Variants in ELAVL3 observed in about 807,000 individuals in gnomAD.
ELAVL3 encodes the protein ELAV like RNA binding protein 3.
Under a neutral mutation model 34.2 loss-of-function variants are expected in ELAVL3, and 8 were observed. That is an observed-to-expected ratio of 0.23 (90% CI 0.14 to 0.42). The LOEUF is 0.42. Ranked by LOEUF, ELAVL3 falls within the 10% of genes least tolerant of loss-of-function variation. ELAVL3 has a pLI of 1.00. For synonymous variants in ELAVL3, 209 were observed against 222.1 expected, an observed-to-expected ratio of 0.94 and a Z score of 0.53; for missense variants, 273 against 518.8, an observed-to-expected ratio of 0.53 and a Z score of 4.60.
intron 6 of ELAVL3, 129 bp downstream of exon 6, chr19:11,456,981 C>T: frequency 1.2e-6 from 1 of 826,920 alleles, no homozygotes; most frequent in Non-Finnish European, 1.7e-6. Context: ...TCACATCTCT[C>T]AATGGCCATG....
intron 6 of ELAVL3, 119 bp downstream of exon 6, chr19:11,456,991 G>T: frequency 1.1e-6 from 1 of 899,014 alleles, no homozygotes; most frequent in Non-Finnish European, 1.6e-6. Context: ...CAATGGCCAT[G>T]CTACTCCAAG....
Position 11,466,896 on chromosome 19 carries a change from T to C in ELAVL3, c.10-69A>G. 7.3e-7 allele frequency: 1 copy of C among 1,364,898 alleles called. No individual in the cohort carries two copies. Among genetic ancestry groups the C allele is most frequent in the Non-Finnish European group, 1.0e-6 (1 of 988,838 alleles). The allele number at this position is 1,364,898 out of a possible 1,614,324, so 84.5% of individuals were successfully genotyped here. A position where few individuals can be genotyped will look rare whatever the true frequency, so the allele number is the denominator to read the frequency against. On this transcript the variant is annotated intron_variant, in intron 1 of 6. Coordinates refer to ENST00000359227, the MANE Select transcript of ELAVL3 (RefSeq NM_001420.4). This position sits in a 1 kb window ranked among gnomAD's most constrained non-coding sequence, Gnocchi z 5.0. ...CCAGGGGCCTGCGGCAATGAGTGGC[T>C]TGGTGGTGATGAATTAGCCATGTCT...
At position 11,458,333 on chromosome 19, in the gene ELAVL3, G is replaced by T. The variant is rs1301194302; in HGVS notation, c.488-47C>A. The T allele has an allele frequency of 4.4e-6, 7 of 1,608,084 alleles. No homozygotes were observed. The highest frequency in any genetic ancestry group is 5.9e-6 in the Non-Finnish European group (7 of 1,176,628). ...CATCACGACGACCCTGTCCCCTCCTGTGTAACCCCACTTCTCCCTTCCCTG... is the reference window on the plus strand; with the variant it reads ...CATCACGACGACCCTGTCCCCTCCTTTGTAACCCCACTTCTCCCTTCCCTG... On this transcript the variant is annotated intron_variant, in intron 4 of 6. Coordinates refer to ENST00000359227, the MANE Select transcript of ELAVL3 (RefSeq NM_001420.4). This position sits in a 1 kb window ranked among gnomAD's most constrained non-coding sequence, Gnocchi z 7.3.
chr19:11,454,479 C>T lies in ELAVL3; in HGVS notation c.*47G>A. On this transcript the variant is annotated 3_prime_UTR_variant, in exon 7 of 7. Coordinates refer to ENST00000359227, the MANE Select transcript of ELAVL3 (RefSeq NM_001420.4). This position sits in a 1 kb window ranked among gnomAD's most constrained non-coding sequence, Gnocchi z 9.2. ...TCTCTCTCTCTCTCTTTCTCTCTCT[C>T]TCTCTCTGCTGCCCGGGGAGGGGGT... is the stretch of plus-strand genomic sequence containing the variant. 3 of 1,474,104 alleles carry T rather than the reference C, an allele frequency of 2.0e-6. No individual in the cohort carries two copies. The highest frequency in any genetic ancestry group is 2.7e-6 in the Non-Finnish European group (3 of 1,102,510). The allele number at this position is 1,474,104 out of a possible 1,614,324, so 91.3% of individuals were successfully genotyped here. A position where few individuals can be genotyped will look rare whatever the true frequency, so the allele number is the denominator to read the frequency against.
intron 3 of ELAVL3, among the ~76,000 whole-genome samples, chr19:11,464,802 CCA>C (rs1487140363): frequency 1.1e-5 from 1 of 90,072 alleles, no homozygotes; most frequent in East Asian, 3.7e-4. Flanking sequence ...CACACACACA[CCA>C]CACACACATG....
In ELAVL3 at chr19:11,454,266, A is replaced by C; in HGVS notation, c.*260T>G. 1 of 477,566 alleles carries C rather than the reference A, an allele frequency of 2.1e-6. No individual in the cohort carries two copies. 29.6% of individuals were successfully genotyped at this position (477,566 alleles called of 1,614,324 possible). A position where few individuals can be genotyped will look rare whatever the true frequency, so the allele number is the denominator to read the frequency against. ...AAAAACCTTCACCATGAACCAAACC[A>C]AGACGAGAGAGTGAACAGCCCAGCC... is the stretch of plus-strand genomic sequence containing the variant. On this transcript the variant is annotated 3_prime_UTR_variant, in exon 7 of 7. Coordinates refer to ENST00000359227, the MANE Select transcript of ELAVL3 (RefSeq NM_001420.4). The surrounding 1 kb of genome is among the most constrained non-coding windows in gnomAD (Gnocchi z 9.2).
rs748196100 is a variant in ELAVL3 at position 11,480,964 on chromosome 19, T to TGTCCG, written c.-361_-357dup. The TGTCCG allele has an allele frequency of 2.0e-4, 46 of 234,894 alleles. No homozygotes were observed. The highest frequency in any genetic ancestry group is 5.1e-4 in the Admixed American group (9 of 17,638). The allele number at this position is 234,894 out of a possible 1,614,324, so 14.6% of individuals were successfully genotyped here. A position where few individuals can be genotyped will look rare whatever the true frequency, so the allele number is the denominator to read the frequency against. On this transcript the variant is annotated 5_prime_UTR_variant, in exon 1 of 7. Coordinates refer to ENST00000359227, the MANE Select transcript of ELAVL3 (RefSeq NM_001420.4). This position sits in a 1 kb window ranked among gnomAD's most constrained non-coding sequence, Gnocchi z 6.8. ...TTCGCCGCCGCCCCTCGGTCGGTCC[T>TGTCCG]GTCCGGTCCCGTGTGTTCAAGTCCT... is the stretch of plus-strand genomic sequence containing the variant.
At chr19:11,472,437 A>G (rs890317437) in intron 1 of ELAVL3, among the ~76,000 whole-genome samples, 1 of 152,150 alleles carries the variant, frequency 6.6e-6, no homozygotes, top group Non-Finnish European at 1.5e-5. Flanking sequence ...GTGCTGGCTC[A>G]TGCCTATAAT....
chr19:11,474,830 A>G lies in ELAVL3; in HGVS notation c.9+5770T>C, dbSNP rs549359781. Among the ~76,000 whole-genome samples the G allele has an allele frequency of 7.9e-5, 12 of 151,890 alleles. No individual in the cohort carries two copies. The South Asian group carries it at 2.3e-3, about 29-fold the overall frequency. ...TTGCATGGGGCAATACTGCTATTTT[A>G]TTTTATTTTATTTTTTTGAGACGGA... is the stretch of plus-strand genomic sequence containing the variant. On this transcript the variant is annotated intron_variant, in intron 1 of 6. Coordinates refer to ENST00000359227, the MANE Select transcript of ELAVL3 (RefSeq NM_001420.4).
In ELAVL3 at chr19:11,453,035, G is replaced by A. The variant is rs1970687961; in HGVS notation, c.*1491C>T. 1.3e-5 allele frequency: 2 copies of A among 152,276 alleles called. No homozygotes were observed. The highest frequency in any genetic ancestry group is 2.9e-5 in the Non-Finnish European group (2 of 68,110). 9.4% of individuals were successfully genotyped at this position (152,276 alleles called of 1,614,324 possible). ...TTTGGGCCCATCCACCCCACCCTGG[G>A]CCTGGCGGGGAGTGCCGGGGTCTTG... On this transcript the variant is annotated 3_prime_UTR_variant, in exon 7 of 7. Transcript: ENST00000359227.
At chr19:11,479,585 G>A (rs1971331762) in intron 1 of ELAVL3, among the ~76,000 whole-genome samples, 2 of 151,846 alleles carry the variant, frequency 1.3e-5, no homozygotes, top group Admixed American at 6.5e-5. Context: ...CCCCGCCCCC[G>A]GGATACGCCC....
At chr19:11,464,149 C>CTCTCTA (rs1970956109) in intron 3 of ELAVL3, among the ~76,000 whole-genome samples, 1 of 96,576 alleles carries the variant, frequency 1.0e-5, no homozygotes, top group Non-Finnish European at 1.8e-5. Context: ...CTCTCTCTCT[C>CTCTCTA]TCTATATATA....
chr19:11,454,962 G>T lies in ELAVL3; in HGVS notation c.753-85C>A. 1 of 1,422,698 alleles carries T rather than the reference G, an allele frequency of 7.0e-7. No homozygotes were observed. Among genetic ancestry groups the T allele is most frequent in the South Asian group, 1.3e-5 (1 of 74,554 alleles). The allele number at this position is 1,422,698 out of a possible 1,614,324, so 88.1% of individuals were successfully genotyped here. ...GACCCTTCACACCTTTATGACCCCTGACTGTGCCATGACCTTGGAATGGTG... is the reference window on the plus strand; with the variant it reads ...GACCCTTCACACCTTTATGACCCCTTACTGTGCCATGACCTTGGAATGGTG... On this transcript the variant is annotated intron_variant, in intron 6 of 6. Coordinates refer to ENST00000359227, the MANE Select transcript of ELAVL3 (RefSeq NM_001420.4). This position sits in a 1 kb window ranked among gnomAD's most constrained non-coding sequence, Gnocchi z 9.2.
intron 1 of ELAVL3, among the ~76,000 whole-genome samples, chr19:11,478,836 G>A (rs1971313046): frequency 6.6e-6 from 1 of 152,136 alleles, no homozygotes; most frequent in African/African-American, 2.4e-5. Flanking sequence ...CCTGGCCCCA[G>A]TCACAGTGAC....
intron 1 of ELAVL3, among the ~76,000 whole-genome samples, chr19:11,476,834 G>A (rs1171130271): frequency 4.6e-5 from 7 of 152,042 alleles, no homozygotes; most frequent in African/African-American, 1.7e-4. Flanking sequence ...GGGAGGCGGA[G>A]CTTGCAGTGA....
At chr19:11,462,961 C>CA (rs1169791063) in intron 3 of ELAVL3, among the ~76,000 whole-genome samples, 3,805 of 72,598 alleles carry the variant, frequency 0.052, 101 homozygotes, top group African/African-American at 0.098. Flanking sequence ...GACTCCGTCT[C>CA]AAAAAAAAAA....
chr19:11,454,502 G>T lies in ELAVL3; in HGVS notation c.*24C>A, dbSNP rs761661246. ...CTCTCTCTCTGCTGCCCGGGGAGGG[G>T]GTGGGAGGGCAGGCGGGGTGGGCTC... On this transcript the variant is annotated 3_prime_UTR_variant, in exon 7 of 7. Transcript: ENST00000359227. The surrounding 1 kb of genome is among the most constrained non-coding windows in gnomAD (Gnocchi z 9.2). 4.5e-6 allele frequency: 7 copies of T among 1,545,432 alleles called. No homozygotes were observed. In the Admixed American group the frequency reaches 1.1e-4, roughly 24 times the overall value.
In ELAVL3 at chr19:11,454,355, C is replaced by T. The variant is rs1428104883; in HGVS notation, c.*171G>A. On this transcript the variant is annotated 3_prime_UTR_variant, in exon 7 of 7. Transcript: ENST00000359227. The surrounding 1 kb of genome is among the most constrained non-coding windows in gnomAD (Gnocchi z 9.2). ...GCACCCCCCCAATTCCCTGCAGACC[C>T]TCCCACCCCAGAGTGCTCACCCTGT... is the stretch of plus-strand genomic sequence containing the variant. The T allele has an allele frequency of 4.5e-6, 3 of 661,858 alleles. No individual in the cohort carries two copies. The highest frequency in any genetic ancestry group is 4.0e-5 in the South Asian group (2 of 49,546). 41.0% of individuals were successfully genotyped at this position (661,858 alleles called of 1,614,324 possible).
intron 6 of ELAVL3, among the ~76,000 whole-genome samples, chr19:11,455,806 A>C (rs1970756645): frequency 6.6e-6 from 1 of 152,146 alleles, no homozygotes; most frequent in African/African-American, 2.4e-5. Flanking sequence ...CCCCTGAACA[A>C]CACCTAGTAA....
Sources: gnomAD v4.1 joint callset for allele counts (sites outside exome capture counted in the v4.1 genomes callset) on GRCh38, gnomAD v4.1.1 for gene constraint, Gnocchi (gnomAD v3.1) non-coding constraint, MANE v1.5 for transcripts, NCBI Gene and HGNC (gene_info 2026-07-23, HGNC 2026-07-21) for gene names.